Variants in SLAMF9 observed in about 807,000 individuals in gnomAD.
SLAMF9 encodes the protein SLAM family member 9.
In SLAMF9, 25 loss-of-function variants were observed where a neutral mutation model predicts 30.4. The ratio of observed to expected loss-of-function variants is 0.82; its 90% CI spans 0.60 to 1.15. The LOEUF is 1.15. Among genes scored for constraint, SLAMF9 ranks in the 50% most tolerant of loss-of-function variants. SLAMF9 has a pLI of 0.00. For missense variants in SLAMF9, 344 were observed against 346.1 expected, an observed-to-expected ratio of 0.99 and a Z score of 0.05; for synonymous variants, 129 against 127.2, an observed-to-expected ratio of 1.01 and a Z score of -0.09.
At chr1:159,970,243 A>G in the SLAMF9 span, among the ~76,000 whole-genome samples, 1 of 152,192 alleles carries the variant, frequency 6.6e-6, no homozygotes, top group Non-Finnish European at 1.5e-5. Context: ...CTGAATGATT[A>G]GAAAGATAAA....
chr1:159,961,881 G>A, the SLAMF9 span, among the ~76,000 whole-genome samples: 14,074 of 151,754 alleles, frequency 0.093, 696 homozygotes, highest in Middle Eastern at 0.21. Context: ...ACCTTTGGCC[G>A]GGCGTGGCGG....
chr1:159,968,015 T>A, the SLAMF9 span, among the ~76,000 whole-genome samples: 1 of 152,154 alleles, frequency 6.6e-6, no homozygotes, highest in African/African-American at 2.4e-5. Flanking sequence ...TTAGAGTTTT[T>A]TATATATATA....
rs1651754697 is a variant in SLAMF9, at chr1:159,951,812, C to G, written c.719G>C (p.Gly240Ala). The change falls in exon 4 of 4, where the codon GGA (glycine) becomes GCA (alanine). Residue 240 changes from glycine (G) to alanine (A), a missense_variant. Physicochemically the swap from Gly to Ala is moderately conservative, Grantham distance 60. Coordinates refer to ENST00000368093, the MANE Select transcript of SLAMF9 (RefSeq NM_033438.4). ...PSTAFCLLAK[G>A]LLIFLLLVIL... The stretch of plus-strand genomic sequence containing the variant: ...TACCAAGAGCAAGAAGATGAGCAAT[C>G]CCTTGGCCAGGAGGCAGAAGGCTGT... 1 of 1,614,154 alleles carries G rather than the reference C, an allele frequency of 6.2e-7. No individual in the cohort carries two copies. Among genetic ancestry groups the G allele is most frequent in the Non-Finnish European group, 8.5e-7 (1 of 1,180,034 alleles).
Position 159,953,425 on chromosome 1 carries a change from C to T in SLAMF9, c.275G>A (p.Ser92Asn), listed in dbSNP as rs1457715884. The change falls in exon 2 of 4, where the codon AGC becomes AAC. Residue 92 changes from serine to asparagine, a missense_variant. Transcript: ENST00000368093. Reference protein sequence around the residue: ...YQGQVSFLDPSYSLHISNLSW... With the variant: ...YQGQVSFLDPNYSLHISNLSW... ...CAGATTGCTGATATGCAGGGAATAG[C>T]TGGGGTCCAGGAAGCTCACTTGGCC... The T allele has an allele frequency of 1.2e-6, 2 of 1,614,222 alleles. No homozygotes were observed. The highest frequency in any genetic ancestry group is 2.2e-5 in the South Asian group (2 of 91,090).
chr1:159,970,041 C>T, the SLAMF9 span, among the ~76,000 whole-genome samples: 1 of 151,960 alleles, frequency 6.6e-6, no homozygotes, highest in Non-Finnish European at 1.5e-5. Context: ...GTGTGGGTGA[C>T]AGAGCAAGAC....
chr1:159,974,899 T>C, the SLAMF9 span, among the ~76,000 whole-genome samples: 2 of 152,198 alleles, frequency 1.3e-5, no homozygotes, highest in Non-Finnish European at 2.9e-5. Flanking sequence ...ATCAGCCTCT[T>C]CCTGGACCAT....
rs751465647 is a variant in SLAMF9 at position 159,951,706 on chromosome 1, T to C, written c.825A>G (p.Arg275=). The C allele has an allele frequency of 5.6e-6, 9 of 1,614,186 alleles. No individual in the cohort carries two copies. Among genetic ancestry groups the C allele is most frequent in the Admixed American group, 1.7e-5 (1 of 60,018 alleles). The change falls in exon 4 of 4, where the codon AGA becomes AGG. Residue 275 remains arginine (R), a synonymous_variant. Transcript: ENST00000368093. ...MPRMKKLMRN[R]MKLRKEAKPG... ...GCTTTGCCTCCTTCCTCAATTTCAT[T>C]CTGTTTCTCATGAGTTTCTTCATCC... is the stretch of plus-strand genomic sequence containing the variant.
chr1:159,977,673 G>T, the SLAMF9 span, among the ~76,000 whole-genome samples: 1 of 152,166 alleles, frequency 6.6e-6, no homozygotes, highest in African/African-American at 2.4e-5. Context: ...ACTGGGGAGG[G>T]AAAGGACCCT....
rs1651771424 is a variant in SLAMF9 at position 159,952,252 on chromosome 1, G to A, written c.664+10C>T. The A allele has an allele frequency of 1.2e-6, 2 of 1,613,626 alleles. No individual in the cohort carries two copies. Among genetic ancestry groups the A allele is most frequent in the East Asian group, 2.2e-5 (1 of 44,834 alleles). On this transcript the variant is annotated intron_variant, in intron 3 of 3. Coordinates refer to ENST00000368093, the MANE Select transcript of SLAMF9 (RefSeq NM_033438.4). ...CATGAGCTCAGGGGGTGTCTCAGGG[G>A]TTCTGGTACCTGCATAGAAGGGCCC...
At chr1:159,976,981 GGAAAGAAGGAAAGAAAGAAAGAAAGA>G in the SLAMF9 span, 2 of 32,174 alleles carry the variant, frequency 6.2e-5, no homozygotes, top group Admixed American at 4.3e-4. Flanking sequence ...AAGGAAAGAA[GGAAAGAAGGAAAGAAAGAAAGAAAGA>G]GAAAGAAAGA....
At chr1:159,954,060 A>G (rs1207620433) in intron 1 of SLAMF9, 32 bp downstream of exon 1, 2 of 1,613,698 alleles carry the variant, frequency 1.2e-6, no homozygotes, top group South Asian at 1.1e-5. Context: ...TGTAGGGGAC[A>G]TTCCTGTGCA....
chr1:159,974,481 T>G, the SLAMF9 span, among the ~76,000 whole-genome samples: 1 of 152,166 alleles, frequency 6.6e-6, no homozygotes, highest in Non-Finnish European at 1.5e-5. Flanking sequence ...GCTGACCCAA[T>G]AGTCCCCACC....
Position 159,951,709 on chromosome 1 carries a change from G to C in SLAMF9, c.822C>G (p.Asn274Lys), listed in dbSNP as rs1195316705. 6.2e-7 allele frequency: 1 copy of C among 1,614,066 alleles called. No homozygotes were observed. Among genetic ancestry groups the C allele is most frequent in the African/African-American group, 1.3e-5 (1 of 74,910 alleles). Residue 274 changes from asparagine (N) to lysine (K), a missense_variant, in exon 4 of 4, where the codon AAC becomes AAG. Coordinates refer to ENST00000368093, the MANE Select transcript of SLAMF9 (RefSeq NM_033438.4). Reference sequence around the variant, plus strand: ...TTGCCTCCTTCCTCAATTTCATTCTGTTTCTCATGAGTTTCTTCATCCTTG... The same window carrying C: ...TTGCCTCCTTCCTCAATTTCATTCTCTTTCTCATGAGTTTCTTCATCCTTG... ...KMPRMKKLMR[N>K]RMKLRKEAKP...
chr1:159,981,589 C>T, the SLAMF9 span, among the ~76,000 whole-genome samples: 1 of 152,244 alleles, frequency 6.6e-6, no homozygotes, highest in Non-Finnish European at 1.5e-5. Flanking sequence ...GCTTTCCATT[C>T]TCCCGTGACT....
upstream of SLAMF9, among the ~76,000 whole-genome samples, chr1:159,957,137 AGAC>A (rs139453034): frequency 8.3e-5 from 5 of 60,526 alleles, no homozygotes; most frequent in Admixed American, 2.5e-4. Context: ...AAAAAAAAAA[AGAC>A]AAAAAAAAAA....
At chr1:159,982,327 G>A in the SLAMF9 span, among the ~76,000 whole-genome samples, 1 of 152,058 alleles carries the variant, frequency 6.6e-6, no homozygotes, top group South Asian at 2.1e-4. Context: ...TAGTCTAAAC[G>A]TCAATGCCGC....
At chr1:159,968,388 G>C in the SLAMF9 span, among the ~76,000 whole-genome samples, 1 of 152,128 alleles carries the variant, frequency 6.6e-6, no homozygotes, top group Non-Finnish European at 1.5e-5. Context: ...AGCACCTTGA[G>C]ACTCAGAAGG....
the SLAMF9 span, chr1:159,972,804 C>T: frequency 2.5e-6 from 2 of 810,310 alleles, no homozygotes; most frequent in Non-Finnish European, 3.4e-6. Flanking sequence ...GTCAGCGGGA[C>T]CGTGGTGCAG....
the SLAMF9 span, among the ~76,000 whole-genome samples, chr1:159,964,804 C>T: frequency 1.3e-5 from 2 of 152,234 alleles, no homozygotes; most frequent in Non-Finnish European, 2.9e-5. Flanking sequence ...TTATTATTGT[C>T]ATCATCAATA....
Sources: allele counts gnomAD v4.1 joint callset (sites outside exome capture counted in the v4.1 genomes callset), GRCh38; gene constraint gnomAD v4.1.1; transcripts MANE v1.5; gene names NCBI Gene and HGNC (gene_info 2026-07-23, HGNC 2026-07-21).